CSMD1: variants seen among roughly 807,000 people sequenced by gnomAD.
CSMD1 encodes CUB and Sushi multiple domains 1, also known as CUB and sushi domain-containing protein 1.
Under a neutral mutation model 417.5 loss-of-function variants are expected in CSMD1, and 213 were observed. The ratio of observed to expected loss-of-function variants is 0.51; its 90% CI spans 0.46 to 0.57. The LOEUF is 0.57. CSMD1 is among the 20% of genes least tolerant of loss of function. The pLI is 0.00. For synonymous variants in CSMD1, 2,862 were observed against 1,736.8 expected, an observed-to-expected ratio of 1.65 and a Z score of -16.11; for missense variants, 6,923 against 4,529.7, an observed-to-expected ratio of 1.53 and a Z score of -15.17.
At chr8:4,538,005 G>C (rs1187435583) in intron 2 of CSMD1, among the ~76,000 whole-genome samples, 1 of 152,156 alleles carries the variant, frequency 6.6e-6, no homozygotes, top group Admixed American at 6.5e-5. Flanking sequence ...CTGCGTCATG[G>C]TTTTCATCTG....
intron 3 of CSMD1, among the ~76,000 whole-genome samples, chr8:4,243,278 A>T (rs995106391): frequency 1.3e-5 from 2 of 152,134 alleles, no homozygotes; most frequent in African/African-American, 4.8e-5. Context: ...AGTCTCATGA[A>T]CTAGGTCTGA....
At position 3,545,820 on chromosome 8, in the gene CSMD1, G is replaced by T. The variant is rs766592610; in HGVS notation, c.1344+29125C>A. On this transcript the variant is annotated intron_variant, in intron 10 of 69. Coordinates refer to ENST00000635120, the MANE Select transcript of CSMD1 (RefSeq NM_033225.6). ...TTCTGTGAAAAGGCTCAGGAAGCAA[G>T]TTATTTAGTAGCAGAGTCTATTGGC... Among the ~76,000 whole-genome samples the T allele has an allele frequency of 7.2e-4, 110 of 152,352 alleles. No homozygotes were observed. The Middle Eastern group carries it at 0.01, about 14-fold the overall frequency.
At chr8:3,936,719 T>G (rs1584996782) in intron 5 of CSMD1, among the ~76,000 whole-genome samples, 1 of 152,218 alleles carries the variant, frequency 6.6e-6, no homozygotes, top group South Asian at 2.1e-4. Flanking sequence ...AGGAGATTAA[T>G]GTTTTCATGC....
intron 7 of CSMD1, among the ~76,000 whole-genome samples, chr8:3,671,256 A>ATG (rs1171101682): frequency 2.8e-5 from 3 of 106,784 alleles, no homozygotes; most frequent in Admixed American, 9.6e-5. Flanking sequence ...GGATATATAT[A>ATG]TGTATATATA....
chr8:3,066,118 C>A (rs1013109740), intron 49 of CSMD1, among the ~76,000 whole-genome samples: 1 of 152,150 alleles, frequency 6.6e-6, no homozygotes, highest in Non-Finnish European at 1.5e-5. Flanking sequence ...CAAAGGAGTG[C>A]GGGCCTATTG....
chr8:4,983,493 CAAAT>C (rs1170602507), intron 1 of CSMD1, among the ~76,000 whole-genome samples: 1 of 152,122 alleles, frequency 6.6e-6, no homozygotes, highest in African/African-American at 2.4e-5. Flanking sequence ...ACAATGTAAA[CAAAT>C]GAATGAAAAA....
At chr8:4,743,785 G>T (rs1049511552) in intron 1 of CSMD1, among the ~76,000 whole-genome samples, 2 of 152,168 alleles carry the variant, frequency 1.3e-5, no homozygotes, top group African/African-American at 2.4e-5. Context: ...CACTTGAGAG[G>T]CCTTCGATAC....
intron 5 of CSMD1, among the ~76,000 whole-genome samples, chr8:3,942,995 G>A (rs1344270686): frequency 6.6e-6 from 1 of 152,060 alleles, no homozygotes; most frequent in Non-Finnish European, 1.5e-5. Context: ...TTACTAAGGG[G>A]AGGTCTAAAT....
At chr8:3,576,199 A>G (rs1425276419) in intron 9 of CSMD1, among the ~76,000 whole-genome samples, 1 of 152,098 alleles carries the variant, frequency 6.6e-6, no homozygotes, top group Non-Finnish European at 1.5e-5. Context: ...GGGGACAAGA[A>G]TTAACCACTG....
chr8:4,032,559 G>A (rs73658538), intron 3 of CSMD1, among the ~76,000 whole-genome samples: 7,699 of 152,158 alleles, frequency 0.051, 547 homozygotes, highest in African/African-American at 0.16. Context: ...TACAGTGTCT[G>A]TTACACATCA....
chr8:3,185,300 G>A (rs1052265398), intron 36 of CSMD1, among the ~76,000 whole-genome samples: 3 of 152,178 alleles, frequency 2.0e-5, no homozygotes. Context: ...TCCAAAAACT[G>A]AAATTAATAA....
intron 7 of CSMD1, among the ~76,000 whole-genome samples, chr8:3,687,496 A>G (rs968291718): frequency 3.3e-5 from 5 of 152,244 alleles, no homozygotes; most frequent in African/African-American, 1.2e-4. Context: ...ATTTACAAAA[A>G]GCAACCATCT....
intron 46 of CSMD1, among the ~76,000 whole-genome samples, chr8:3,099,397 G>C (rs1299641697): frequency 6.6e-6 from 1 of 152,120 alleles, no homozygotes; most frequent in Non-Finnish European, 1.5e-5. Flanking sequence ...TGCCTCTTCT[G>C]TCTGTGGTGG....
chr8:4,326,015 C>A (rs1313897177), intron 3 of CSMD1, among the ~76,000 whole-genome samples: 1 of 152,074 alleles, frequency 6.6e-6, no homozygotes, highest in African/African-American at 2.4e-5. Context: ...GACGTTGGCT[C>A]GCTATTTTTA....
intron 5 of CSMD1, among the ~76,000 whole-genome samples, chr8:3,788,542 A>AT (rs1799566926): frequency 6.6e-6 from 1 of 152,160 alleles, no homozygotes; most frequent in Admixed American, 6.5e-5. Flanking sequence ...TATTTATTCA[A>AT]CCATCCATCC....
chr8:3,445,013 G>A (rs1014822383), intron 12 of CSMD1, among the ~76,000 whole-genome samples: 2 of 152,262 alleles, frequency 1.3e-5, no homozygotes, highest in Non-Finnish European at 1.5e-5. Context: ...TCTTTATCCA[G>A]TGCCAAGTCA....
intron 34 of CSMD1, among the ~76,000 whole-genome samples, chr8:3,189,339 G>T (rs1331616205): frequency 6.6e-6 from 1 of 152,188 alleles, no homozygotes; most frequent in African/African-American, 2.4e-5. Context: ...TAAGGACCTT[G>T]GCAGAGTTTT....
chr8:4,328,015 A>G (rs1210150357), intron 3 of CSMD1, among the ~76,000 whole-genome samples: 1 of 152,208 alleles, frequency 6.6e-6, no homozygotes, highest in African/African-American at 2.4e-5. Context: ...TTGGGAAATG[A>G]TAAGAGGTAC....
At chr8:4,035,052 G>T (rs534861978) in intron 3 of CSMD1, among the ~76,000 whole-genome samples, 6 of 152,126 alleles carry the variant, frequency 3.9e-5, no homozygotes, top group Non-Finnish European at 7.3e-5. Flanking sequence ...TAATGCAAAT[G>T]ATTATCGTGC....
Sources: allele counts gnomAD v4.1 joint callset (sites outside exome capture counted in the v4.1 genomes callset), GRCh38; gene constraint gnomAD v4.1.1; transcripts MANE v1.5; gene names NCBI Gene and HGNC (gene_info 2026-07-23, HGNC 2026-07-21).